RB1: variants seen among roughly 807,000 people sequenced by gnomAD.
The protein encoded by RB1 is retinoblastoma-associated protein.
In RB1, 18 loss-of-function variants were observed where a neutral mutation model predicts 135.4. The observed-to-expected ratio is 0.13, with a 90% CI of 0.09 to 0.20. The LOEUF is 0.20. Among genes scored for constraint, RB1 ranks in the 10% least tolerant of loss-of-function variants. The pLI is 1.00. For missense variants in RB1, 868 were observed against 1,110.0 expected (o/e 0.78, Z 3.10); for synonymous variants, 365 against 373.2 (o/e 0.98, Z 0.25).
intron 17 of RB1, among the ~76,000 whole-genome samples, chr13:48,430,183 G>A (rs1027231504): frequency 4.6e-5 from 7 of 152,054 alleles, no homozygotes; most frequent in Non-Finnish European, 1.0e-4. Context: ...CATTTCTTTA[G>A]TTATAAGGAG....
intron 9 of RB1, among the ~76,000 whole-genome samples, chr13:48,367,118 C>A (rs375435743): frequency 3.8e-3 from 387 of 102,186 alleles, no homozygotes; most frequent in African/African-American, 6.8e-3. Context: ...AACTCCATCT[C>A]AAAAAAAAAA....
chr13:48,348,099 A>G (rs780897726), intron 5 of RB1, among the ~76,000 whole-genome samples: 21 of 152,046 alleles, frequency 1.4e-4, no homozygotes, highest in Non-Finnish European at 2.7e-4. Flanking sequence ...TCAGGACAGC[A>G]TATCACCAAC....
intron 17 of RB1, chr13:48,445,160 C>T (rs1049691171): frequency 4.6e-5 from 7 of 152,094 alleles, no homozygotes; most frequent in African/African-American, 1.7e-4. Flanking sequence ...TGTAACAGAG[C>T]TAAAGCAATA....
intron 12 of RB1, among the ~76,000 whole-genome samples, chr13:48,375,853 A>G (rs1952816430): frequency 6.6e-6 from 1 of 151,972 alleles, no homozygotes; most frequent in Non-Finnish European, 1.5e-5. Context: ...TGCCGGGATT[A>G]CAGTCATGAG....
intron 17 of RB1, chr13:48,411,586 C>T: frequency 6.2e-7 from 1 of 1,613,150 alleles, no homozygotes; most frequent in East Asian, 2.2e-5. Flanking sequence ...TTGGAAACAG[C>T]AATACAGAGA....
chr13:48,371,973 ATC>A (rs1952763302), intron 11 of RB1, among the ~76,000 whole-genome samples: 2 of 152,106 alleles, frequency 1.3e-5, no homozygotes. Flanking sequence ...CATGTGAGGG[ATC>A]TAGATTGTAT....
rs2138346260 is a variant in RB1 at position 48,465,362 on chromosome 13, G to C, written c.2483G>C (p.Arg828Thr). Residue 828 changes from arginine to threonine, a missense_variant, in exon 23 of 27, where the codon AGA becomes ACA. Arg to Thr is a moderately conservative substitution (Grantham distance 71). Coordinates refer to ENST00000267163, the MANE Select transcript of RB1 (RefSeq NM_000321.3). ...CCAACACCAACAAAAATGACTCCAA[G>C]ATCAAGGTGTGTGTTTTCTCTTTAG... ...GLPTPTKMTP[R>T]SRILVSIGES... The C allele has an allele frequency of 6.3e-7, 1 of 1,599,924 alleles. No individual in the cohort carries two copies. The highest frequency in any genetic ancestry group is 8.6e-7 in the Non-Finnish European group (1 of 1,167,184).
chr13:48,376,014 A>C (rs1305463104), intron 12 of RB1, among the ~76,000 whole-genome samples: 9 of 151,822 alleles, frequency 5.9e-5, no homozygotes, highest in Admixed American at 3.9e-4. Flanking sequence ...TCATAATATG[A>C]ATTATATAAT....
At chr13:48,446,105 G>A (rs1219929755) in intron 17 of RB1, among the ~76,000 whole-genome samples, 2 of 151,974 alleles carry the variant, frequency 1.3e-5, no homozygotes, top group Admixed American at 6.6e-5. Context: ...TTATAGGTGC[G>A]TGCCACCATG....
chr13:48,304,088 G>A (rs2138028341), intron 1 of RB1, 39 bp downstream of exon 1: 3 of 1,383,612 alleles, frequency 2.2e-6, no homozygotes, highest in South Asian at 3.3e-5. Flanking sequence ...CGCGGGAAGG[G>A]CGCCCCGGGT....
chr13:48,451,744 T>G (rs1049489764), intron 17 of RB1, among the ~76,000 whole-genome samples: 17 of 151,944 alleles, frequency 1.1e-4, no homozygotes, highest in Admixed American at 1.1e-3. Context: ...TGGGATTTTT[T>G]TTTTTTTTTT....
intron 17 of RB1, among the ~76,000 whole-genome samples, chr13:48,394,728 G>C (rs936968547): frequency 3.3e-5 from 5 of 152,246 alleles, no homozygotes; most frequent in Non-Finnish European, 2.9e-5. Context: ...ATCTCTGAAA[G>C]AAAGGCAGCA....
chr13:48,453,529 T>A (rs951145464), intron 18 of RB1, among the ~76,000 whole-genome samples: 5 of 151,882 alleles, frequency 3.3e-5, no homozygotes, highest in African/African-American at 7.3e-5. Context: ...TAGGGAGAAG[T>A]ATGGGATGTG....
chr13:48,411,974 G>T, intron 17 of RB1: 1 of 1,602,312 alleles, frequency 6.2e-7, no homozygotes, highest in Non-Finnish European at 8.5e-7. Flanking sequence ...CAAAAACGGC[G>T]GGTGCACTTC....
rs751643356 is a variant in RB1, at chr13:48,360,004, A to C, written c.608-13A>C. On this transcript the variant is annotated splice_polypyrimidine_tract_variant and intron_variant, in intron 6 of 26. Coordinates refer to ENST00000267163, the MANE Select transcript of RB1 (RefSeq NM_000321.3). ...TCTCTAACTTTCTTTAAAAATGTAC[A>C]TTTTTTTTTCAGGGGAAGTATTACA... 1 of 1,595,186 alleles carries C rather than the reference A, an allele frequency of 6.3e-7. No homozygotes were observed. Among genetic ancestry groups the C allele is most frequent in the Non-Finnish European group, 8.6e-7 (1 of 1,169,432 alleles).
At chr13:48,400,998 T>A (rs1357430457) in intron 17 of RB1, among the ~76,000 whole-genome samples, 1 of 152,092 alleles carries the variant, frequency 6.6e-6, no homozygotes, top group South Asian at 2.1e-4. Flanking sequence ...GGAAAAGGCA[T>A]CATGGGACTC....
chr13:48,365,225 A>G (rs565570974), intron 9 of RB1, among the ~76,000 whole-genome samples: 1 of 152,322 alleles, frequency 6.6e-6, no homozygotes, highest in Admixed American at 6.5e-5. Flanking sequence ...TTCCAAAATC[A>G]AAGTATAGAC....
At chr13:48,476,925 T>C (rs1460686240) in intron 25 of RB1, 82 bp downstream of exon 25, 12 of 1,536,672 alleles carry the variant, frequency 7.8e-6, no homozygotes, top group Non-Finnish European at 9.9e-6. Flanking sequence ...TCCTGGCTTA[T>C]ACCAATTTCT....
intron 2 of RB1, chr13:48,318,273 C>T (rs965660209): frequency 1.6e-4 from 151 of 970,028 alleles, no homozygotes; most frequent in Non-Finnish European, 2.2e-4. Context: ...TTTCCAGTCT[C>T]TCGGGAGCCC....
Sources: allele counts gnomAD v4.1 joint callset (sites outside exome capture counted in the v4.1 genomes callset), GRCh38; gene constraint gnomAD v4.1.1; transcripts MANE v1.5; gene names NCBI Gene and HGNC (gene_info 2026-07-23, HGNC 2026-07-21).